CHD6: variants seen among roughly 807,000 people sequenced by gnomAD.
CHD6 encodes ATP-dependent chromatin remodeler CHD6.
A neutral mutation model predicts 276.9 loss-of-function variants in CHD6; 50 were observed. The ratio of observed to expected loss-of-function variants is 0.18; its 90% CI spans 0.14 to 0.23. CHD6 has a LOEUF of 0.23. Ranked by LOEUF, CHD6 falls within the 10% of genes least tolerant of loss-of-function variation. The pLI, the probability that CHD6 is intolerant of heterozygous loss-of-function variation, is 1.00. For synonymous variants in CHD6, 1,173 were observed against 1,229.3 expected, an observed-to-expected ratio of 0.95 and a Z score of 0.96; for missense variants, 2,564 against 3,365.8, an observed-to-expected ratio of 0.76 and a Z score of 5.89.
chr20:41,537,707 C>T (rs12481153), intron 2 of CHD6, among the ~76,000 whole-genome samples: 1 of 152,016 alleles, frequency 6.6e-6, no homozygotes, highest in Non-Finnish European at 1.5e-5. Flanking sequence ...CCTAAGATGG[C>T]TATAATAAAA....
chr20:41,523,987 G>A (rs989150906), intron 3 of CHD6, among the ~76,000 whole-genome samples: 5 of 152,080 alleles, frequency 3.3e-5, no homozygotes, highest in African/African-American at 4.8e-5. Flanking sequence ...GAAAGAATGC[G>A]TTACTACTAC....
intron 1 of CHD6, among the ~76,000 whole-genome samples, chr20:41,573,591 C>A (rs1447474056): frequency 6.6e-6 from 1 of 151,324 alleles, no homozygotes; most frequent in African/African-American, 2.4e-5. Context: ...TATCTGTGAC[C>A]CAAGAAAGAG....
intron 31 of CHD6, among the ~76,000 whole-genome samples, chr20:41,420,055 T>A (rs899042560): frequency 6.6e-6 from 1 of 152,210 alleles, no homozygotes; most frequent in African/African-American, 2.4e-5. Flanking sequence ...AATAAATGGC[T>A]TTTTTGCTCA....
At chr20:41,566,288 T>C (rs1272694959) in intron 1 of CHD6, among the ~76,000 whole-genome samples, 3 of 152,124 alleles carry the variant, frequency 2.0e-5, no homozygotes, top group Admixed American at 6.5e-5. Context: ...TTGCATTTTC[T>C]AGTACTTATT....
At position 41,412,068 on chromosome 20, in the gene CHD6, TTC is replaced by T. The variant is rs2046856482; in HGVS notation, c.7251+74_7251+75del. 3 of 1,566,386 alleles carry T rather than the reference TTC, an allele frequency of 1.9e-6. No individual in the cohort carries two copies. In the East Asian group the frequency reaches 6.8e-5, roughly 36 times the overall value. ...AGCGAACCCCTTCCCAGCTGGGGCTTTCTCTCAAGTATGTAAGGCACGGCTCA... is the reference window on the plus strand; with the variant it reads ...AGCGAACCCCTTCCCAGCTGGGGCTTTCTCAAGTATGTAAGGCACGGCTCA... On this transcript the variant is annotated intron_variant, in intron 36 of 36. Transcript: ENST00000373233.
Position 41,404,758 on chromosome 20 carries a change from C to G in CHD6, c.7983G>C (p.Lys2661Asn), listed in dbSNP as rs754411813. 1.2e-6 allele frequency: 2 copies of G among 1,606,738 alleles called. No homozygotes were observed. The highest frequency in any genetic ancestry group is 1.7e-6 in the Non-Finnish European group (2 of 1,176,208). ...CTGGGTGGGAGTTGGGGTTGTCCCC[C>G]TTTGTCTTCTTCTTCTTCCTCTTCT... ...ESQKRKKKKTKGDNPNSHPEP... is the reference protein window; with the variant it reads ...ESQKRKKKKTNGDNPNSHPEP... Residue 2661 changes from lysine (K) to asparagine (N), a missense_variant, in exon 37 of 37, where the codon AAG becomes AAC. Transcript: ENST00000373233.
rs144268067 is a variant in CHD6, at chr20:41,500,408, T to C, written c.853-1051A>G. 5.6e-3 allele frequency among the ~76,000 whole-genome samples: 854 copies of C among 152,206 alleles called. 8 individuals carry two copies. The highest frequency in any genetic ancestry group is 0.024 in the Middle Eastern group (7 of 294). ...AGGAAGGCATATGGCAGAAAAGAATTATGGAAATCAGCAAGCAGGCACAGG... is the reference window on the plus strand; with the variant it reads ...AGGAAGGCATATGGCAGAAAAGAATCATGGAAATCAGCAAGCAGGCACAGG... On this transcript the variant is annotated intron_variant, in intron 5 of 36. Coordinates refer to ENST00000373233, the MANE Select transcript of CHD6 (RefSeq NM_032221.5).
chr20:41,493,252 T>C (rs1049141185), intron 10 of CHD6, among the ~76,000 whole-genome samples: 7 of 152,150 alleles, frequency 4.6e-5, no homozygotes, highest in Non-Finnish European at 1.0e-4. Flanking sequence ...TTACAAATTT[T>C]ATTTTACTGA....
chr20:41,560,767 C>G (rs1337342414), intron 1 of CHD6, among the ~76,000 whole-genome samples: 1 of 149,708 alleles, frequency 6.7e-6, no homozygotes, highest in Non-Finnish European at 1.5e-5. Flanking sequence ...TCTCAGTATT[C>G]TTCCTTCACA....
chr20:41,404,067 C>A lies in CHD6; in HGVS notation c.*526G>T, dbSNP rs573464428. The A allele has an allele frequency of 1.3e-4, 134 of 1,044,818 alleles. No homozygotes were observed. Among genetic ancestry groups the A allele is most frequent in the Non-Finnish European group, 1.5e-4 (131 of 864,660 alleles). The allele number at this position is 1,044,818 out of a possible 1,614,324, so 64.7% of individuals were successfully genotyped here. A position where few individuals can be genotyped will look rare whatever the true frequency, so the allele number is the denominator to read the frequency against. On this transcript the variant is annotated 3_prime_UTR_variant, in exon 37 of 37. Transcript: ENST00000373233. Reference sequence around the variant, plus strand: ...TCAACCATTAGTTATATACTTCTGTCTATACTACTCACTTAGTAATCATGA... The same window carrying A: ...TCAACCATTAGTTATATACTTCTGTATATACTACTCACTTAGTAATCATGA...
At chr20:41,613,201 AT>A (rs1185272919) in intron 1 of CHD6, among the ~76,000 whole-genome samples, 1 of 152,234 alleles carries the variant, frequency 6.6e-6, no homozygotes, top group East Asian at 1.9e-4. Context: ...AAAGCATTTC[AT>A]AAAAGTCTGG....
At chr20:41,554,967 G>A (rs1337882691) in intron 1 of CHD6, among the ~76,000 whole-genome samples, 6 of 151,372 alleles carry the variant, frequency 4.0e-5, no homozygotes, top group African/African-American at 1.5e-4. Flanking sequence ...CCGGGCAGAG[G>A]CGCCCCTCAC....
rs1184687170 is a variant in CHD6, at chr20:41,402,944, C to T, written c.*1649G>A. 1 of 206,846 alleles carries T rather than the reference C, an allele frequency of 4.8e-6. No individual in the cohort carries two copies. Among genetic ancestry groups the T allele is most frequent in the Non-Finnish European group, 9.9e-6 (1 of 101,142 alleles). 12.8% of individuals were successfully genotyped at this position (206,846 alleles called of 1,614,324 possible). A position where few individuals can be genotyped will look rare whatever the true frequency, so the allele number is the denominator to read the frequency against. ...CAGTTATAGAATTTCTGGTTTATAT[C>T]TCTGATTCATAAAACTGGGACTCCA... On this transcript the variant is annotated 3_prime_UTR_variant, in exon 37 of 37. Coordinates refer to ENST00000373233, the MANE Select transcript of CHD6 (RefSeq NM_032221.5).
intron 1 of CHD6, among the ~76,000 whole-genome samples, chr20:41,598,439 C>T (rs2045741043): frequency 6.6e-6 from 1 of 152,142 alleles, no homozygotes. Context: ...AATATTCCGT[C>T]CGCAAACTAA....
At chr20:41,454,295 A>C (rs879435723) in intron 20 of CHD6, among the ~76,000 whole-genome samples, 1 of 152,244 alleles carries the variant, frequency 6.6e-6, no homozygotes, top group Non-Finnish European at 1.5e-5. Flanking sequence ...TCTCTCACAG[A>C]AAGTGTTGAA....
At chr20:41,457,508 A>G in intron 17 of CHD6, 80 bp from the exon 18 acceptor site, 1 of 1,498,028 alleles carries the variant, frequency 6.7e-7, no homozygotes, top group East Asian at 2.3e-5. Context: ...GAGTGCTTAA[A>G]TGTCATGTGG....
chr20:41,528,661 A>T (rs1311311032), intron 3 of CHD6, among the ~76,000 whole-genome samples: 2 of 152,222 alleles, frequency 1.3e-5, no homozygotes, highest in Non-Finnish European at 2.9e-5. Context: ...TCTCTAAAAA[A>T]AATAATAATA....
chr20:41,441,838 G>A (rs1359282927), intron 25 of CHD6, among the ~76,000 whole-genome samples: 9 of 152,144 alleles, frequency 5.9e-5, no homozygotes, highest in Non-Finnish European at 1.3e-4. Flanking sequence ...AGGGGGTGTC[G>A]GCTGCCTGCC....
intron 1 of CHD6, among the ~76,000 whole-genome samples, chr20:41,578,342 C>T (rs933898345): frequency 6.6e-6 from 1 of 152,126 alleles, no homozygotes; most frequent in Admixed American, 6.5e-5. Context: ...TTTTACAAGG[C>T]ATAATCACAT....
Sources: gnomAD v4.1 joint callset for allele counts (sites outside exome capture counted in the v4.1 genomes callset) on GRCh38, gnomAD v4.1.1 for gene constraint, MANE v1.5 for transcripts, NCBI Gene and HGNC (gene_info 2026-07-23, HGNC 2026-07-21) for gene names.